Variants in CBX1 observed in about 807,000 individuals in gnomAD.
The protein encoded by CBX1 is chromobox 1.
In CBX1, 10 loss-of-function variants were observed where a neutral mutation model predicts 25.1. The observed-to-expected ratio is 0.40, with a 90% CI of 0.25 to 0.68. The LOEUF is 0.68. Among genes scored for constraint, CBX1 ranks in the 30% least tolerant of loss-of-function variants. CBX1 has a pLI of 0.40. For synonymous variants in CBX1, 63 were observed against 79.4 expected, an observed-to-expected ratio of 0.79 and a Z score of 1.10; for missense variants, 106 against 218.5, an observed-to-expected ratio of 0.49 and a Z score of 3.25.
intron 1 of CBX1, among the ~76,000 whole-genome samples, chr17:48,092,254 T>TG (rs1249287929): frequency 6.6e-6 from 1 of 151,280 alleles, no homozygotes; most frequent in Non-Finnish European, 1.5e-5. Context: ...CCTCCCAAAG[T>TG]GCTGGGATTA....
At chr17:48,078,947 G>A (rs1229566287) in intron 1 of CBX1, among the ~76,000 whole-genome samples, 3 of 149,322 alleles carry the variant, frequency 2.0e-5, no homozygotes, top group Admixed American at 6.7e-5. Flanking sequence ...GAGCTACCAC[G>A]CCCGGCTAAT....
rs916273291 is a variant in CBX1, at chr17:48,093,991, G to A, written c.-38+7277C>T. On this transcript the variant is annotated intron_variant, in intron 1 of 4. Transcript: ENST00000225603. ...GAGCTGGGTGTGGTGGCGCATGCCT[G>A]TAATCCCAGCTACTCCAGAGGCTCA... is the stretch of plus-strand genomic sequence containing the variant. Among the ~76,000 whole-genome samples the A allele has an allele frequency of 2.6e-5, 4 of 151,822 alleles. No individual in the cohort carries two copies. The East Asian group carries it at 7.7e-4, about 29-fold the overall frequency.
At chr17:48,075,605 CTATGTGA>C (rs1449885986) in intron 3 of CBX1, among the ~76,000 whole-genome samples, 1 of 152,282 alleles carries the variant, frequency 6.6e-6, no homozygotes, top group East Asian at 1.9e-4. Flanking sequence ...GAGATTTTCC[CTATGTGA>C]AAAGGGACAT....
intron 1 of CBX1, among the ~76,000 whole-genome samples, chr17:48,091,532 GC>G (rs1440170104): frequency 7.9e-5 from 10 of 127,148 alleles, no homozygotes; most frequent in South Asian, 2.4e-4. Context: ...CCGCCACCAT[GC>G]CCTTTTTTTT....
chr17:48,098,895 T>C (rs1218882702), intron 1 of CBX1, among the ~76,000 whole-genome samples: 1 of 152,192 alleles, frequency 6.6e-6, no homozygotes, highest in Non-Finnish European at 1.5e-5. Flanking sequence ...TGAATTATTT[T>C]CAAATGGTGT....
At chr17:48,084,355 A>AGGTGCGTGC (rs2037767993) in intron 1 of CBX1, among the ~76,000 whole-genome samples, 1 of 147,938 alleles carries the variant, frequency 6.8e-6, no homozygotes, top group Non-Finnish European at 1.5e-5. Context: ...CTGGGATTAC[A>AGGTGCGTGC]GGTGCGTGCC....
At chr17:48,082,601 A>G (rs536854446) in intron 1 of CBX1, among the ~76,000 whole-genome samples, 8 of 149,414 alleles carry the variant, frequency 5.4e-5, no homozygotes, top group East Asian at 1.9e-4. Flanking sequence ...CAGTGACGCA[A>G]TATCAGTTCA....
At chr17:48,086,802 C>T (rs1480259892) in intron 1 of CBX1, among the ~76,000 whole-genome samples, 1 of 151,724 alleles carries the variant, frequency 6.6e-6, no homozygotes, top group Admixed American at 6.6e-5. Context: ...GCGGAGGCTG[C>T]CTTGAGCCTA....
rs1442173785 is a variant in CBX1 at position 48,101,419 on chromosome 17, C to T, written c.-189G>A. ...GAAGCGGCGTACCGCAGGCCCCGGC[C>T]AACGGCCCTCCCCTCAGCCGAACAA... On this transcript the variant is annotated 5_prime_UTR_variant, in exon 1 of 5. Transcript: ENST00000225603. 8 of 985,432 alleles carry T rather than the reference C, an allele frequency of 8.1e-6. No homozygotes were observed. The highest frequency in any genetic ancestry group is 9.6e-6 in the Non-Finnish European group (8 of 830,020). The allele number at this position is 985,432 out of a possible 1,614,324, so 61.0% of individuals were successfully genotyped here.
At position 48,075,786 on chromosome 17, in the gene CBX1, C is replaced by A. The variant is rs151040334; in HGVS notation, c.318+215G>T. On this transcript the variant is annotated intron_variant, in intron 3 of 4. Coordinates refer to ENST00000225603, the MANE Select transcript of CBX1 (RefSeq NM_001127228.2). ...ATTCACTTGCCCTTATATCTGTCCCCAGCAAGTTTTCCATTTACTGCTCCT... is the reference window on the plus strand; with the variant it reads ...ATTCACTTGCCCTTATATCTGTCCCAAGCAAGTTTTCCATTTACTGCTCCT... 1.9e-3 allele frequency among the ~76,000 whole-genome samples: 296 copies of A among 152,282 alleles called. 2 individuals are homozygous for A. Among genetic ancestry groups the A allele is most frequent in the Non-Finnish European group, 1.1e-3 (77 of 68,022 alleles).
chr17:48,093,084 AAAAAAGAAAAG>A (rs1567769726), intron 1 of CBX1, among the ~76,000 whole-genome samples: 1 of 100,220 alleles, frequency 1.0e-5, no homozygotes, highest in Non-Finnish European at 2.5e-5. Flanking sequence ...AAAAAAAAAA[AAAAAAGAAAAG>A]AAAAGAAAAG....
At chr17:48,073,824 CAAA>C (rs60857566) in intron 4 of CBX1, among the ~76,000 whole-genome samples, 13,209 of 82,586 alleles carry the variant, frequency 0.16, 1,089 homozygotes, top group East Asian at 0.48. Context: ...GAGACTGTCT[CAAA>C]AAAAAAAAAA....
chr17:48,078,040 TC>T (rs1024648276), intron 1 of CBX1, among the ~76,000 whole-genome samples: 4 of 151,604 alleles, frequency 2.6e-5, no homozygotes, highest in Admixed American at 2.6e-4. Context: ...ACGACTGTAC[TC>T]CAGCCTGGGC....
chr17:48,071,672 A>AT, intron 4 of CBX1, 93 bp from the exon 5 acceptor site: 1 of 1,094,644 alleles, frequency 9.1e-7, no homozygotes. Context: ...AAAAATGGTA[A>AT]TTTTAGAAAA....
chr17:48,089,275 G>A (rs1007711062), intron 1 of CBX1, among the ~76,000 whole-genome samples: 1 of 150,704 alleles, frequency 6.6e-6, no homozygotes, highest in African/African-American at 2.4e-5. Context: ...TAATTTTTTT[G>A]TATTTTTAGT....
chr17:48,082,501 CAAAAAAAAAAA>C (rs572999255), intron 1 of CBX1, among the ~76,000 whole-genome samples: 1 of 53,754 alleles, frequency 1.9e-5, no homozygotes, highest in Non-Finnish European at 3.2e-5. Flanking sequence ...GACTCCATCT[CAAAAAAAAAAA>C]AAAAAAAAAA....
intron 1 of CBX1, among the ~76,000 whole-genome samples, chr17:48,085,998 C>T (rs939831471): frequency 1.3e-5 from 2 of 152,030 alleles, no homozygotes; most frequent in South Asian, 2.1e-4. Context: ...TGAACTCAGG[C>T]GGCAGACATT....
chr17:48,099,654 C>G (rs1384723902), intron 1 of CBX1, among the ~76,000 whole-genome samples: 1 of 152,158 alleles, frequency 6.6e-6, no homozygotes, highest in Non-Finnish European at 1.5e-5. Context: ...AGCCTTGGAC[C>G]TTTCACAATC....
At position 48,076,089 on chromosome 17, in the gene CBX1, G is replaced by C. The variant is rs1482698962; in HGVS notation, c.230C>G (p.Thr77Arg). The C allele has an allele frequency of 3.1e-6, 5 of 1,613,114 alleles. No individual in the cohort carries two copies. The highest frequency in any genetic ancestry group is 4.2e-6 in the Non-Finnish European group (5 of 1,179,398). ...GCGCTTGCCTCCCTCTGATTTATCT[G>C]TCTCATGTGCTGTTTTCTGTGACTG... ...FLQSQKTAHE[T>R]DKSEGGKRKA... The change falls in exon 3 of 5, where the codon ACA (threonine) becomes AGA (arginine). Residue 77 changes from threonine to arginine, a missense_variant. This residue lies in a region of CBX1 where 71 missense variants were observed against 144.1 expected (regional missense o/e 0.49). Transcript: ENST00000225603.
Sources: allele counts gnomAD v4.1 joint callset (sites outside exome capture counted in the v4.1 genomes callset), GRCh38; gene constraint gnomAD v4.1.1; regional missense constraint gnomAD v4.1.1; transcripts MANE v1.5; gene names NCBI Gene and HGNC (gene_info 2026-07-23, HGNC 2026-07-21).